Variants in SHISA2 observed in about 807,000 individuals in gnomAD.
SHISA2 encodes shisa family member 2, also known as protein shisa-2 homolog.
Under a neutral mutation model 23.8 loss-of-function variants are expected in SHISA2, and 16 were observed. The ratio of observed to expected loss-of-function variants is 0.67; its 90% confidence interval spans 0.46 to 1.02. SHISA2 has a LOEUF of 1.02. Ranked by LOEUF, SHISA2 falls within the 50% of genes least tolerant of loss-of-function variation. SHISA2 has a pLI of 0.00. For missense variants in SHISA2, 459 were observed against 420.1 expected (o/e 1.09, Z -0.81); for synonymous variants, 201 against 178.6 (o/e 1.13, Z -1.00).
chr13:26,047,368 T>C (rs1957275638), intron 1 of SHISA2, among the ~76,000 whole-genome samples: 3 of 152,216 alleles, frequency 2.0e-5, no homozygotes, highest in African/African-American at 7.2e-5. Flanking sequence ...AGCAAAAGTA[T>C]GGGTTTAACA....
intron 1 of SHISA2, among the ~76,000 whole-genome samples, chr13:26,049,854 GA>G (rs1307777744): frequency 8.0e-5 from 5 of 62,716 alleles, no homozygotes; most frequent in Admixed American, 1.6e-4. Context: ...CCCCTCCCCC[GA>G]AATAAATAAC....
chr13:26,048,375 G>C (rs919267615), intron 1 of SHISA2, among the ~76,000 whole-genome samples: 1 of 152,124 alleles, frequency 6.6e-6, no homozygotes, highest in Non-Finnish European at 1.5e-5. Context: ...GGCACTACAA[G>C]GCTTTAGAAA....
Position 26,046,462 on chromosome 13 carries a change from C to A in SHISA2, c.*51G>T. Reference sequence around the variant, plus strand: ...TGTGCGGACTTCCACCTCGAGAATCCACCCCTGCCTTCGTCTCCCTTCAGT... The same window carrying A: ...TGTGCGGACTTCCACCTCGAGAATCAACCCCTGCCTTCGTCTCCCTTCAGT... On this transcript the variant is annotated 3_prime_UTR_variant, in exon 2 of 2. Coordinates refer to ENST00000319420, the MANE Select transcript of SHISA2 (RefSeq NM_001007538.2). 6.5e-7 allele frequency: 1 copy of A among 1,527,580 alleles called. No individual in the cohort carries two copies. The allele number at this position is 1,527,580 out of a possible 1,614,324, so 94.6% of individuals were successfully genotyped here.
Position 26,050,880 on chromosome 13 carries a change from C to A in SHISA2, c.96G>T (p.Arg32Ser). ...LLAALLAAGA[R>S]ASGEYCHGWL... Reference sequence around the variant, plus strand: ...AGCCGTGGCAGTACTCGCCGCTGGCCCTCGCCCCCGCCGCCAGCAGCGCAG... The same window carrying A: ...AGCCGTGGCAGTACTCGCCGCTGGCACTCGCCCCCGCCGCCAGCAGCGCAG... Residue 32 changes from arginine to serine, a missense_variant, in exon 1 of 2, where the codon AGG becomes AGT. Arg to Ser is a moderately radical substitution (Grantham distance 110). Transcript: ENST00000319420. 1 of 1,521,436 alleles carries A rather than the reference C, an allele frequency of 6.6e-7. No individual in the cohort carries two copies. The highest frequency in any genetic ancestry group is 8.8e-7 in the Non-Finnish European group (1 of 1,142,070). 94.2% of individuals were successfully genotyped at this position (1,521,436 alleles called of 1,614,324 possible).
In SHISA2 at chr13:26,048,171, C is replaced by T. The variant is rs538381503; in HGVS notation, c.335-1105G>A. On this transcript the variant is annotated intron_variant, in intron 1 of 1. Transcript: ENST00000319420. ...CACAAAATTTAGCTGAGTGTGGTGA[C>T]GCGCACCTATAATCCCAGCTACTCT... Among the ~76,000 whole-genome samples, 14 of 152,148 alleles carry T rather than the reference C, an allele frequency of 9.2e-5. No individual in the cohort carries two copies. In the South Asian group the frequency reaches 2.7e-3, roughly 29 times the overall value.
chr13:26,047,237 A>C (rs1957274936), intron 1 of SHISA2, among the ~76,000 whole-genome samples, 171 bp from the exon 2 acceptor site: 1 of 152,226 alleles, frequency 6.6e-6, no homozygotes, highest in Non-Finnish European at 1.5e-5. Context: ...ACCATTCTTT[A>C]TCAAGTGCTT....
Position 26,049,863 on chromosome 13 carries a change from AACACACACACACAC to A in SHISA2, c.334+765_334+778del, listed in dbSNP as rs57979033. ...ACACCTCCCCTCCCCCGAAATAAAT[AACACACACACACAC>A]ACACACACACACACACACACACACG... On this transcript the variant is annotated intron_variant, in intron 1 of 1. Transcript: ENST00000319420. Among the ~76,000 whole-genome samples the A allele has an allele frequency of 9.5e-3, 1,293 of 136,040 alleles. 22 individuals are homozygous for A. Among genetic ancestry groups the A allele is most frequent in the African/African-American group, 0.034 (1,209 of 35,728 alleles). The allele number at this position is 136,040 out of a possible 152,430, so 89.2% of individuals were successfully genotyped here. A position where few individuals can be genotyped will look rare whatever the true frequency, so the allele number is the denominator to read the frequency against.
rs940880109 is a variant in SHISA2 at position 26,050,986 on chromosome 13, T to C, written c.-11A>G. On this transcript the variant is annotated 5_prime_UTR_variant, in exon 1 of 2. Coordinates refer to ENST00000319420, the MANE Select transcript of SHISA2 (RefSeq NM_001007538.2). ...GCGAGCGCCCCACATGGCACCACCC[T>C]GGGCGCGGACAGCGCGTCTCCAGAG... is the stretch of plus-strand genomic sequence containing the variant. The C allele has an allele frequency of 9.4e-6, 14 of 1,491,976 alleles. No homozygotes were observed. The Admixed American group carries it at 2.9e-4, about 30-fold the overall frequency. 92.4% of individuals were successfully genotyped at this position (1,491,976 alleles called of 1,614,324 possible). A position where few individuals can be genotyped will look rare whatever the true frequency, so the allele number is the denominator to read the frequency against.
rs1449938306 is a variant in SHISA2 at position 26,047,024 on chromosome 13, A to G, written c.377T>C (p.Val126Ala). Residue 126 changes from valine (V) to alanine (A), a missense_variant, in exon 2 of 2, where the codon GTC (valine) becomes GCC (alanine). Transcript: ENST00000319420. ...VPFLIVGSVF[V>A]AFIILGSLVA... ...CAGGGACCCCAAGATGATAAAGGCGACAAACACGGAGCCAACAATGAGGAA... is the reference window on the plus strand; with the variant it reads ...CAGGGACCCCAAGATGATAAAGGCGGCAAACACGGAGCCAACAATGAGGAA... 6.4e-7 allele frequency: 1 copy of G among 1,570,374 alleles called. No individual in the cohort carries two copies. Among genetic ancestry groups the G allele is most frequent in the East Asian group, 2.3e-5 (1 of 44,276 alleles).
At chr13:26,047,211 G>A (rs9553713) in intron 1 of SHISA2, 145 bp from the exon 2 acceptor site, 1 of 889,756 alleles carries the variant, frequency 1.1e-6, no homozygotes, top group Non-Finnish European at 1.6e-6. Flanking sequence ...TCACATATTA[G>A]GAGTCCATAA....
In SHISA2 at chr13:26,045,994, TGCCTGAATCCAGGA is replaced by T. The variant is rs1957263781; in HGVS notation, c.*505_*518del. ...ACGTGGGAGGCTGAGGCAGGAGTGT[TGCCTGAATCCAGGA>T]GGCTGAAGTTGCAGTGAGCCGAGAT... On this transcript the variant is annotated 3_prime_UTR_variant, in exon 2 of 2. Transcript: ENST00000319420. 1 of 150,748 alleles carries T rather than the reference TGCCTGAATCCAGGA, an allele frequency of 6.6e-6. No individual in the cohort carries two copies. The highest frequency in any genetic ancestry group is 1.5e-5 in the Non-Finnish European group (1 of 68,052). 9.3% of individuals were successfully genotyped at this position (150,748 alleles called of 1,614,324 possible).
Position 26,051,299 on chromosome 13 carries a change from C to T in SHISA2, c.-324G>A, listed in dbSNP as rs1338875343. On this transcript the variant is annotated 5_prime_UTR_variant, in exon 1 of 2. Coordinates refer to ENST00000319420, the MANE Select transcript of SHISA2 (RefSeq NM_001007538.2). The stretch of plus-strand genomic sequence containing the variant: ...AAGCCTCTGGAGGTTTCACTGGCAA[C>T]CGGACCCTCCCTGAGCATCCCCGAA... Among the ~76,000 whole-genome samples the T allele has an allele frequency of 6.6e-6, 1 of 152,180 alleles. No homozygotes were observed. The highest frequency in any genetic ancestry group is 1.5e-5 in the Non-Finnish European group (1 of 68,022).
intron 1 of SHISA2, among the ~76,000 whole-genome samples, chr13:26,048,040 C>T (rs547225390): frequency 5.3e-5 from 8 of 152,320 alleles, no homozygotes; most frequent in Non-Finnish European, 8.8e-5. Flanking sequence ...CGGTGGCTCA[C>T]GCCTGTAATC....
intron 1 of SHISA2, 114 bp from the exon 2 acceptor site, chr13:26,047,180 A>G (rs1957274695): frequency 8.8e-7 from 1 of 1,133,634 alleles, no homozygotes; most frequent in Non-Finnish European, 1.2e-6. Flanking sequence ...CAGCTGAAGG[A>G]CCTACACTGG....
At chr13:26,048,144 AC>A (rs1254401401) in intron 1 of SHISA2, among the ~76,000 whole-genome samples, 18 of 151,964 alleles carry the variant, frequency 1.2e-4, no homozygotes, top group Non-Finnish European at 2.1e-4. Flanking sequence ...CTCTACTAAA[AC>A]CACAAAATTT....
chr13:26,048,848 T>C (rs1326704483), intron 1 of SHISA2, among the ~76,000 whole-genome samples: 1 of 152,222 alleles, frequency 6.6e-6, no homozygotes, highest in Non-Finnish European at 1.5e-5. Flanking sequence ...GGAGTTTCAA[T>C]GCTGAACAGA....
At position 26,045,979 on chromosome 13, in the gene SHISA2, C is replaced by G. The variant is rs1368925993; in HGVS notation, c.*534G>C. ...CCTGTAATCCCAGCCACGTGGGAGGCTGAGGCAGGAGTGTTGCCTGAATCC... is the reference window on the plus strand; with the variant it reads ...CCTGTAATCCCAGCCACGTGGGAGGGTGAGGCAGGAGTGTTGCCTGAATCC... On this transcript the variant is annotated 3_prime_UTR_variant, in exon 2 of 2. Transcript: ENST00000319420. 1 of 149,868 alleles carries G rather than the reference C, an allele frequency of 6.7e-6. No homozygotes were observed. The highest frequency in any genetic ancestry group is 1.5e-5 in the Non-Finnish European group (1 of 67,840). 9.3% of individuals were successfully genotyped at this position (149,868 alleles called of 1,614,324 possible). A position where few individuals can be genotyped will look rare whatever the true frequency, so the allele number is the denominator to read the frequency against.
chr13:26,046,735 C>G lies in SHISA2; in HGVS notation c.666G>C (p.Thr222=), dbSNP rs376149775. 54 of 1,614,104 alleles carry G rather than the reference C, an allele frequency of 3.3e-5. No individual in the cohort carries two copies. Among genetic ancestry groups the G allele is most frequent in the South Asian group, 4.4e-5 (4 of 91,086 alleles). ...GCTGACAGTTCAGCACAGAGAAATT[C>G]GTGGGCATGTTGACATACACGTTGT... The part of the protein sequence containing the change: ...TMNNVYVNMP[T]NFSVLNCQQA... Residue 222 remains threonine (T), a synonymous_variant, in exon 2 of 2, where the codon ACG becomes ACC. Coordinates refer to ENST00000319420, the MANE Select transcript of SHISA2 (RefSeq NM_001007538.2).
chr13:26,046,421 A>T lies in SHISA2; in HGVS notation c.*92T>A, dbSNP rs1957267673. On this transcript the variant is annotated 3_prime_UTR_variant, in exon 2 of 2. Coordinates refer to ENST00000319420, the MANE Select transcript of SHISA2 (RefSeq NM_001007538.2). ...TGAAGCCATCCAAAGGAATCGTGCC[A>T]TAAATACCACCGACATGTGCGGACT... 2 of 1,354,480 alleles carry T rather than the reference A, an allele frequency of 1.5e-6. No individual in the cohort carries two copies. The highest frequency in any genetic ancestry group is 9.9e-7 in the Non-Finnish European group (1 of 1,006,258). The allele number at this position is 1,354,480 out of a possible 1,614,324, so 83.9% of individuals were successfully genotyped here.
Sources: allele counts gnomAD v4.1 joint callset (sites outside exome capture counted in the v4.1 genomes callset), GRCh38; gene constraint gnomAD v4.1.1; transcripts MANE v1.5; gene names NCBI Gene and HGNC (gene_info 2026-07-23, HGNC 2026-07-21).